TFAP2C: variants seen among roughly 807,000 people sequenced by gnomAD.
The protein encoded by TFAP2C is activating enhancer-binding protein 2 gamma.
Under a neutral mutation model 42.9 loss-of-function variants are expected in TFAP2C, and 9 were observed. That is an observed-to-expected ratio of 0.21 (90% CI 0.13 to 0.37). The LOEUF is 0.37. Among genes scored for constraint, TFAP2C ranks in the 10% least tolerant of loss-of-function variants. The pLI is 1.00. For missense variants in TFAP2C, 462 were observed against 591.7 expected, an observed-to-expected ratio of 0.78 and a Z score of 2.27; for synonymous variants, 264 against 256.0, an observed-to-expected ratio of 1.03 and a Z score of -0.30.
rs548468806 is a variant in TFAP2C at position 56,638,206 on chromosome 20, C to T, written c.*193C>T. The T allele has an allele frequency of 1.8e-6, 1 of 570,770 alleles. No homozygotes were observed. Among genetic ancestry groups the T allele is most frequent in the Non-Finnish European group, 3.1e-6 (1 of 326,394 alleles). 35.4% of individuals were successfully genotyped at this position (570,770 alleles called of 1,614,324 possible). On this transcript the variant is annotated 3_prime_UTR_variant, in exon 7 of 7. Transcript: ENST00000201031. ...AGTTGTTTCTCTAGCGCTGAGCTAT[C>T]TCCTAACTTTGGACCTATTATCAGA...
chr20:56,631,999 T>C lies in TFAP2C; in HGVS notation c.586+143T>C. 1.1e-6 allele frequency: 1 copy of C among 947,706 alleles called. No homozygotes were observed. The highest frequency in any genetic ancestry group is 1.7e-6 in the Non-Finnish European group (1 of 603,184). The allele number at this position is 947,706 out of a possible 1,614,324, so 58.7% of individuals were successfully genotyped here. A position where few individuals can be genotyped will look rare whatever the true frequency, so the allele number is the denominator to read the frequency against. ...AAAGGGATTCATGGAAGCTAGATTT[T>C]AGGAGTGACAGAAAGGGATTTCCCT... On this transcript the variant is annotated intron_variant, in intron 3 of 6. Coordinates refer to ENST00000201031, the MANE Select transcript of TFAP2C (RefSeq NM_003222.4). The surrounding 1 kb of genome is among the most constrained non-coding windows in gnomAD (Gnocchi z 6.1).
chr20:56,631,548 T>G lies in TFAP2C; in HGVS notation c.392T>G (p.Leu131Arg). Residue 131 changes from leucine to arginine, a missense_variant, in exon 2 of 7, where the codon CTG (leucine) becomes CGG (arginine). This residue lies in a region of TFAP2C where 271 missense variants were observed against 269.7 expected (regional missense o/e 1.00). Transcript: ENST00000201031. This position sits in a 1 kb window ranked among gnomAD's most constrained non-coding sequence, Gnocchi z 6.1. ...PAGLLPHLSG[L>R]EAGAVSARRD... is the part of the protein sequence containing the mutation. ...GGCCTACTGCCCCACCTCTCCGGGC[T>G]GGAGGCGGGCGCGGTGAGCGCCCGC... 6.5e-7 allele frequency: 1 copy of G among 1,530,880 alleles called. No homozygotes were observed. The highest frequency in any genetic ancestry group is 8.7e-7 in the Non-Finnish European group (1 of 1,145,266). 94.8% of individuals were successfully genotyped at this position (1,530,880 alleles called of 1,614,324 possible).
Position 56,631,736 on chromosome 20 carries a change from C to T in TFAP2C, c.534+46C>T, listed in dbSNP as rs370592057. The T allele has an allele frequency of 6.3e-5, 101 of 1,612,084 alleles. No homozygotes were observed. The highest frequency in any genetic ancestry group is 8.4e-5 in the Non-Finnish European group (99 of 1,179,534). On this transcript the variant is annotated intron_variant, in intron 2 of 6. Transcript: ENST00000201031. This position sits in a 1 kb window ranked among gnomAD's most constrained non-coding sequence, Gnocchi z 6.1. ...TGACCGGACCTGTTCACCCTACGGC[C>T]TTCTGCCCCCACCCCGCACTCCTCT... is the stretch of plus-strand genomic sequence containing the variant.
intron 3 of TFAP2C, among the ~76,000 whole-genome samples, chr20:56,632,270 A>G (rs1382842987): frequency 1.3e-5 from 2 of 152,224 alleles, no homozygotes; most frequent in African/African-American, 4.8e-5. Flanking sequence ...GATTTCAAAC[A>G]CGTGTATGGA....
Position 56,630,925 on chromosome 20 carries a change from C to A in TFAP2C, c.49-280C>A, listed in dbSNP as rs1390072843. 2 of 985,236 alleles carry A rather than the reference C, an allele frequency of 2.0e-6. No homozygotes were observed. Among genetic ancestry groups the A allele is most frequent in the African/African-American group, 1.7e-5 (1 of 57,234 alleles). The allele number at this position is 985,236 out of a possible 1,614,324, so 61.0% of individuals were successfully genotyped here. On this transcript the variant is annotated intron_variant, in intron 1 of 6. Coordinates refer to ENST00000201031, the MANE Select transcript of TFAP2C (RefSeq NM_003222.4). The surrounding 1 kb of genome is among the most constrained non-coding windows in gnomAD (Gnocchi z 5.1). Reference sequence around the variant, plus strand: ...AGGGTTCGGACTTGGCGCCTCCAAGCGCCTCGGGCTTGGGAGCAGCGCCTA... The same window carrying A: ...AGGGTTCGGACTTGGCGCCTCCAAGAGCCTCGGGCTTGGGAGCAGCGCCTA...
Position 56,633,341 on chromosome 20 carries a change from C to T in TFAP2C, c.587-12C>T. The T allele has an allele frequency of 6.2e-7, 1 of 1,607,044 alleles. No homozygotes were observed. Among genetic ancestry groups the T allele is most frequent in the Non-Finnish European group, 8.5e-7 (1 of 1,175,534 alleles). On this transcript the variant is annotated splice_polypyrimidine_tract_variant and intron_variant, in intron 3 of 6. Transcript: ENST00000201031. ...AGCTCTTGTGACTGCCAGCTCTGAC[C>T]TTCATTCACAGGTCCCATTTCCATG...
rs1056467817 is a variant in TFAP2C at position 56,631,802 on chromosome 20, C to T, written c.535-3C>T. ...TAAGGGAATTTTGTCCTCTCTCCCC[C>T]AGAATGTCGACGACCAGCACCTGTT... is the stretch of plus-strand genomic sequence containing the variant. On this transcript the variant is annotated splice_polypyrimidine_tract_variant and splice_region_variant and intron_variant, in intron 2 of 6. Transcript: ENST00000201031. The surrounding 1 kb of genome is among the most constrained non-coding windows in gnomAD (Gnocchi z 6.1). The T allele has an allele frequency of 6.2e-7, 1 of 1,614,198 alleles. No individual in the cohort carries two copies. The highest frequency in any genetic ancestry group is 8.5e-7 in the Non-Finnish European group (1 of 1,180,038).
chr20:56,638,144 C>A lies in TFAP2C; in HGVS notation c.*131C>A, dbSNP rs1026000875. ...TTACCTACCTTACTATTTAAAGAGCCTTCACTGGTTCTGCATCACCCGCCC... is the reference window on the plus strand; with the variant it reads ...TTACCTACCTTACTATTTAAAGAGCATTCACTGGTTCTGCATCACCCGCCC... On this transcript the variant is annotated 3_prime_UTR_variant, in exon 7 of 7. Transcript: ENST00000201031. The A allele has an allele frequency of 2.5e-6, 2 of 799,156 alleles. No homozygotes were observed. The highest frequency in any genetic ancestry group is 1.7e-5 in the African/African-American group (1 of 57,556). The allele number at this position is 799,156 out of a possible 1,614,324, so 49.5% of individuals were successfully genotyped here.
chr20:56,635,127 A>G (rs1987560369), intron 5 of TFAP2C, among the ~76,000 whole-genome samples: 1 of 152,102 alleles, frequency 6.6e-6, no homozygotes, highest in Non-Finnish European at 1.5e-5. Context: ...GTGCTCAAAG[A>G]GACTTGGCAG....
chr20:56,632,712 A>C (rs1311254007), intron 3 of TFAP2C, among the ~76,000 whole-genome samples: 2 of 137,984 alleles, frequency 1.4e-5, no homozygotes, highest in African/African-American at 6.2e-5. Context: ...AATGTGTCCT[A>C]TGATTTTGGT....
chr20:56,629,587 T>C lies in TFAP2C; in HGVS notation c.43T>C (p.Cys15Arg). 1 of 1,423,206 alleles carries C rather than the reference T, an allele frequency of 7.0e-7. No homozygotes were observed. Among genetic ancestry groups the C allele is most frequent in the Non-Finnish European group, 9.2e-7 (1 of 1,087,468 alleles). The allele number at this position is 1,423,206 out of a possible 1,614,324, so 88.2% of individuals were successfully genotyped here. The change falls in exon 1 of 7, where the codon TGC (cysteine) becomes CGC (arginine). Residue 15 changes from cysteine to arginine, a missense_variant. Coordinates refer to ENST00000201031, the MANE Select transcript of TFAP2C (RefSeq NM_003222.4). The surrounding 1 kb of genome is among the most constrained non-coding windows in gnomAD (Gnocchi z 5.9). The part of the protein sequence containing the change: ...ITDNVKYEED[C>R]EDRHDGSSNG... Reference sequence around the variant, plus strand: ...CGATAATGTCAAGTACGAAGAGGACTGCGAGGTGAGCTGGGGCTCCGGGGT... The same window carrying C: ...CGATAATGTCAAGTACGAAGAGGACCGCGAGGTGAGCTGGGGCTCCGGGGT...
intron 5 of TFAP2C, among the ~76,000 whole-genome samples, chr20:56,635,583 T>C (rs181982514): frequency 2.6e-3 from 393 of 152,242 alleles, no homozygotes; most frequent in African/African-American, 9.0e-3. Flanking sequence ...CTGTCAGATG[T>C]CACCATTTTA....
Position 56,633,418 on chromosome 20 carries a change from A to G in TFAP2C, c.652A>G (p.Met218Val), listed in dbSNP as rs1987530993. The change falls in exon 4 of 7, where the codon ATG becomes GTG. Residue 218 changes from methionine (M) to valine (V), a missense_variant. Physicochemically the swap from Met to Val is conservative, Grantham distance 21. Around this residue, in one of 5 missense-constraint regions of TFAP2C, gnomAD observed 21 missense variants for 38.1 expected, o/e 0.55. Coordinates refer to ENST00000201031, the MANE Select transcript of TFAP2C (RefSeq NM_003222.4). ...TCAGAAGGAGCTGGTGGGGGCCGTA[A>G]TGAACCCCACTGAGGTCTTCTGCTC... ...PCQKELVGAVMNPTEVFCSVP... is the reference protein window; with the variant it reads ...PCQKELVGAVVNPTEVFCSVP... 3.1e-6 allele frequency: 5 copies of G among 1,613,954 alleles called. No homozygotes were observed. The highest frequency in any genetic ancestry group is 4.2e-6 in the Non-Finnish European group (5 of 1,180,012).
Position 56,636,617 on chromosome 20 carries a change from T to C in TFAP2C, c.930T>C (p.Ala310=). ...TGTTGCTGATTATTCTAGGTGAAGC[T>C]GTTCATTTGGCTAGGGACTTTGCCT... is the stretch of plus-strand genomic sequence containing the variant. The part of the protein sequence containing the change: ...TLLTSLVEGE[A]VHLARDFAYV... The change falls in exon 6 of 7, where the codon GCT becomes GCC. Residue 310 remains alanine, a synonymous_variant. Coordinates refer to ENST00000201031, the MANE Select transcript of TFAP2C (RefSeq NM_003222.4). The C allele has an allele frequency of 1.2e-6, 2 of 1,613,444 alleles. No individual in the cohort carries two copies. The highest frequency in any genetic ancestry group is 1.7e-6 in the Non-Finnish European group (2 of 1,179,820).
chr20:56,637,202 T>C (rs1407606132), intron 6 of TFAP2C, among the ~76,000 whole-genome samples: 1 of 152,114 alleles, frequency 6.6e-6, no homozygotes, highest in African/African-American at 2.4e-5. Context: ...CAGCTGTGGG[T>C]TTTCTCATAG....
intron 3 of TFAP2C, 145 bp from the exon 4 acceptor site, chr20:56,633,208 T>A (rs547593720): frequency 8.1e-5 from 49 of 607,744 alleles, no homozygotes; most frequent in African/African-American, 7.0e-4. Flanking sequence ...TTTTTTTTTT[T>A]AAATAAAGTC....
At position 56,631,936 on chromosome 20, in the gene TFAP2C, T is replaced by C. The variant is rs1280042759; in HGVS notation, c.586+80T>C. 6.6e-7 allele frequency: 1 copy of C among 1,517,972 alleles called. No individual in the cohort carries two copies. The highest frequency in any genetic ancestry group is 1.4e-5 in the African/African-American group (1 of 73,076). The allele number at this position is 1,517,972 out of a possible 1,614,324, so 94.0% of individuals were successfully genotyped here. A position where few individuals can be genotyped will look rare whatever the true frequency, so the allele number is the denominator to read the frequency against. On this transcript the variant is annotated intron_variant, in intron 3 of 6. Transcript: ENST00000201031. This position sits in a 1 kb window ranked among gnomAD's most constrained non-coding sequence, Gnocchi z 6.1. ...GTTGACTGGCAAGGTTGGGGGTATTTGGTGGCCAGCGTGGGACATTTGTGG... is the reference window on the plus strand; with the variant it reads ...GTTGACTGGCAAGGTTGGGGGTATTCGGTGGCCAGCGTGGGACATTTGTGG...
intron 5 of TFAP2C, 65 bp from the exon 6 acceptor site, chr20:56,636,545 G>C: frequency 6.7e-7 from 1 of 1,486,898 alleles, no homozygotes; most frequent in East Asian, 2.3e-5. Context: ...AAAAAAGAGA[G>C]AGGAAAAGGG....
chr20:56,637,577 C>T, intron 6 of TFAP2C, 151 bp from the exon 7 acceptor site: 2 of 652,134 alleles, frequency 3.1e-6, no homozygotes, highest in Non-Finnish European at 5.2e-6. Flanking sequence ...TTGCTAAGCG[C>T]AGCAGTTGGC....
Sources: allele counts gnomAD v4.1 joint callset (sites outside exome capture counted in the v4.1 genomes callset), GRCh38; gene constraint gnomAD v4.1.1; regional missense constraint gnomAD v4.1.1; non-coding constraint Gnocchi (gnomAD v3.1); transcripts MANE v1.5; gene names NCBI Gene and HGNC (gene_info 2026-07-23, HGNC 2026-07-21).